The following SAMD4A variants were observed in gnomAD, a reference collection of about 807,000 sequenced individuals.
SAMD4A encodes the protein sterile alpha motif domain containing 4A.
A neutral mutation model predicts 81.3 loss-of-function variants in SAMD4A; 33 were observed. That is an observed-to-expected ratio of 0.41 (90% CI 0.31 to 0.54). The LOEUF is 0.54. Ranked by LOEUF, SAMD4A falls within the 20% of genes least tolerant of loss-of-function variation. The pLI is 0.37. For missense variants in SAMD4A, 854 were observed against 951.1 expected, an observed-to-expected ratio of 0.90 and a Z score of 1.34; for synonymous variants, 389 against 382.1, an observed-to-expected ratio of 1.02 and a Z score of -0.21.
chr14:54,623,534 A>T (rs554705241), intron 2 of SAMD4A, among the ~76,000 whole-genome samples: 1 of 148,948 alleles, frequency 6.7e-6, no homozygotes, highest in South Asian at 2.1e-4. Context: ...GAAAGGTATA[A>T]AAGATTATTC....
At chr14:54,680,538 C>G (rs981246417) in intron 2 of SAMD4A, among the ~76,000 whole-genome samples, 1 of 152,178 alleles carries the variant, frequency 6.6e-6, no homozygotes, top group African/African-American at 2.4e-5. Flanking sequence ...ATTGAAGTTA[C>G]TTAAGTTTGG....
At chr14:54,670,748 G>A (rs1321590002) in intron 2 of SAMD4A, among the ~76,000 whole-genome samples, 1 of 152,182 alleles carries the variant, frequency 6.6e-6, no homozygotes, top group East Asian at 1.9e-4. Context: ...TCTTGTATGT[G>A]GAGGGAACAG....
chr14:54,788,866 C>G, intron 12 of SAMD4A, 50 bp from the exon 13 acceptor site: 1 of 1,613,310 alleles, frequency 6.2e-7, no homozygotes, highest in East Asian at 2.2e-5. Context: ...TGGGCACGAA[C>G]TGGATTGTTT....
intron 2 of SAMD4A, among the ~76,000 whole-genome samples, chr14:54,580,973 A>G (rs2033447849): frequency 6.6e-6 from 1 of 152,256 alleles, no homozygotes; most frequent in Admixed American, 6.5e-5. Flanking sequence ...TCAAGATGAG[A>G]ATCCTCACGC....
chr14:54,586,734 G>A (rs926933178), intron 2 of SAMD4A, among the ~76,000 whole-genome samples: 1 of 152,130 alleles, frequency 6.6e-6, no homozygotes, highest in South Asian at 2.1e-4. Flanking sequence ...TCAGTTGGCT[G>A]TAAGTATTTG....
intron 2 of SAMD4A, among the ~76,000 whole-genome samples, chr14:54,582,748 A>T (rs1470239600): frequency 6.6e-6 from 1 of 152,200 alleles, no homozygotes; most frequent in Non-Finnish European, 1.5e-5. Context: ...TCCTTCTGTT[A>T]TAATTGTACC....
intron 11 of SAMD4A, among the ~76,000 whole-genome samples, chr14:54,779,300 T>C (rs2038940261): frequency 6.6e-6 from 1 of 152,192 alleles, no homozygotes; most frequent in Non-Finnish European, 1.5e-5. Context: ...GGAGTAATAG[T>C]GAACACAAAA....
At chr14:54,633,084 T>C (rs1479546665) in intron 2 of SAMD4A, among the ~76,000 whole-genome samples, 1 of 152,202 alleles carries the variant, frequency 6.6e-6, no homozygotes, top group Non-Finnish European at 1.5e-5. Flanking sequence ...TAGGTTCTGA[T>C]GGAAACTGCC....
chr14:54,771,179 A>G (rs1251670635), intron 9 of SAMD4A, among the ~76,000 whole-genome samples: 5 of 152,234 alleles, frequency 3.3e-5, no homozygotes, highest in African/African-American at 1.2e-4. Context: ...ATGAAAGATT[A>G]ATTTTAACAC....
chr14:54,757,978 C>G (rs1366219395), intron 6 of SAMD4A, among the ~76,000 whole-genome samples: 4 of 152,196 alleles, frequency 2.6e-5, no homozygotes, highest in African/African-American at 9.7e-5. Flanking sequence ...ATGATGGTGT[C>G]TAGATGCTGG....
At chr14:54,700,580 T>C (rs1188606970) in intron 2 of SAMD4A, among the ~76,000 whole-genome samples, 1 of 152,276 alleles carries the variant, frequency 6.6e-6, no homozygotes, top group African/African-American at 2.4e-5. Context: ...CTTCCAACCT[T>C]CTAGATATGG....
intron 2 of SAMD4A, among the ~76,000 whole-genome samples, chr14:54,615,373 C>G (rs1223074981): frequency 1.3e-5 from 2 of 152,194 alleles, no homozygotes; most frequent in Non-Finnish European, 2.9e-5. Flanking sequence ...AAAACCTCTG[C>G]CAATGTTTAC....
Position 54,585,305 on chromosome 14 carries a change from A to G in SAMD4A, c.196+17193A>G, listed in dbSNP as rs954054429. ...TTTAGGTTATTTCCAGTTTCTTACA[A>G]TGCTGTGGTAAACATCCTTTAAAGC... On this transcript the variant is annotated intron_variant, in intron 2 of 12. Coordinates refer to ENST00000554335, the MANE Select transcript of SAMD4A (RefSeq NM_015589.6). Among the ~76,000 whole-genome samples the G allele has an allele frequency of 2.0e-5, 3 of 152,322 alleles. No homozygotes were observed. The East Asian group carries it at 5.8e-4, about 29-fold the overall frequency.
chr14:54,681,184 C>T (rs2036118162), intron 2 of SAMD4A, among the ~76,000 whole-genome samples: 1 of 150,274 alleles, frequency 6.7e-6, no homozygotes, highest in Non-Finnish European at 1.5e-5. Context: ...CTCCAGCCCC[C>T]CAGCCCCCCA....
At chr14:54,647,639 C>G (rs2035314708) in intron 2 of SAMD4A, among the ~76,000 whole-genome samples, 1 of 152,158 alleles carries the variant, frequency 6.6e-6, no homozygotes, top group Non-Finnish European at 1.5e-5. Flanking sequence ...AAAGGGAAGT[C>G]ATGTTTATGT....
intron 2 of SAMD4A, among the ~76,000 whole-genome samples, chr14:54,606,165 CTA>C (rs1177626523): frequency 2.7e-5 from 4 of 149,842 alleles, no homozygotes; most frequent in Non-Finnish European, 4.4e-5. Flanking sequence ...GCTCATTCCT[CTA>C]TGTCTTACTT....
At chr14:54,726,384 A>G in intron 3 of SAMD4A, among the ~76,000 whole-genome samples, 1 of 152,194 alleles carries the variant, frequency 6.6e-6, no homozygotes. Flanking sequence ...GAGCAGTGCA[A>G]GAGTGATCAA....
intron 2 of SAMD4A, chr14:54,687,441 A>T (rs915455989): frequency 2.4e-6 from 1 of 420,982 alleles, no homozygotes. Flanking sequence ...CTGTGTTTGA[A>T]ATAAAAACAA....
chr14:54,737,740 T>C (rs560560105), intron 4 of SAMD4A, among the ~76,000 whole-genome samples: 3 of 151,976 alleles, frequency 2.0e-5, no homozygotes, highest in African/African-American at 7.2e-5. Context: ...TCTATGTTAA[T>C]GCAGAATTGC....
Sources: gnomAD v4.1 joint callset for allele counts (sites outside exome capture counted in the v4.1 genomes callset) on GRCh38, gnomAD v4.1.1 for gene constraint, MANE v1.5 for transcripts, NCBI Gene and HGNC (gene_info 2026-07-23, HGNC 2026-07-21) for gene names.